ARL15: variants seen among roughly 807,000 people sequenced by gnomAD.
ARL15 encodes ARF like GTPase 15.
ARL15 carries 19 observed loss-of-function variants against 25.2 expected under a neutral mutation model. The observed-to-expected ratio is 0.75, with a 90% confidence interval of 0.53 to 1.10. The LOEUF (loss-of-function observed/expected upper bound fraction) is 1.10, where lower values mean the gene tolerates loss of function less well. Ranked by LOEUF, ARL15 falls within the 50% of genes least tolerant of loss-of-function variation. The pLI is 0.00. For missense variants in ARL15, 220 were observed against 246.0 expected, an observed-to-expected ratio of 0.89 and a Z score of 0.71; for synonymous variants, 94 against 86.8, an observed-to-expected ratio of 1.08 and a Z score of -0.46.
chr5:54,271,932 T>G (rs1014705227), intron 1 of ARL15, among the ~76,000 whole-genome samples: 1 of 150,692 alleles, frequency 6.6e-6, no homozygotes, highest in African/African-American at 2.4e-5. Flanking sequence ...ATTTATTTAT[T>G]TATTTATTTA....
chr5:54,261,749 T>TAC lies in ARL15; in HGVS notation c.48+48681_48+48682dup, dbSNP rs371794928. Among the ~76,000 whole-genome samples, 1,230 of 150,492 alleles carry TAC rather than the reference T, an allele frequency of 8.2e-3. 18 individuals are homozygous for TAC. Among genetic ancestry groups the TAC allele is most frequent in the African/African-American group, 0.025 (1,041 of 41,056 alleles). On this transcript the variant is annotated intron_variant, in intron 1 of 4. Transcript: ENST00000504924. Reference sequence around the variant, plus strand: ...TTATATGGGGTACTGAACCAGATCTTACACACACACACACACACCCCATGA... The same window carrying TAC: ...TTATATGGGGTACTGAACCAGATCTTACACACACACACACACACACCCCATGA...
In ARL15 at chr5:54,037,338, A is replaced by G. The variant is rs572508090; in HGVS notation, c.462+75864T>C. 2.0e-3 allele frequency among the ~76,000 whole-genome samples: 308 copies of G among 152,240 alleles called. 3 individuals carry two copies. The highest frequency in any genetic ancestry group is 7.0e-3 in the African/African-American group (293 of 41,564). On this transcript the variant is annotated intron_variant, in intron 4 of 4. Coordinates refer to ENST00000504924, the MANE Select transcript of ARL15 (RefSeq NM_019087.3). ...CCCTTTATTTTTCTATTTGGAATAC[A>G]TTGAACTTAGAAATATGTCCAAGAT...
At chr5:53,991,216 T>C (rs978916086) in intron 4 of ARL15, among the ~76,000 whole-genome samples, 2 of 152,122 alleles carry the variant, frequency 1.3e-5, no homozygotes, top group African/African-American at 4.8e-5. Context: ...GGGCATGGTG[T>C]CTCTATTTGC....
intron 3 of ARL15, among the ~76,000 whole-genome samples, chr5:54,123,065 A>G (rs1452345390): frequency 6.6e-6 from 1 of 151,822 alleles, no homozygotes. Context: ...TCATTTTTAT[A>G]TAGTCTAAAA....
intron 1 of ARL15, among the ~76,000 whole-genome samples, chr5:54,246,845 CAG>C (rs201051911): frequency 2.6e-4 from 32 of 122,218 alleles, no homozygotes; most frequent in African/African-American, 9.6e-4. Context: ...CACACACACA[CAG>C]AGTACATAAA....
At chr5:54,053,216 C>T (rs1255055045) in intron 4 of ARL15, among the ~76,000 whole-genome samples, 2 of 151,670 alleles carry the variant, frequency 1.3e-5, no homozygotes, top group Non-Finnish European at 2.9e-5. Context: ...GGCAAAACTG[C>T]ATCTCCAAAA....
chr5:54,136,126 A>C lies in ARL15; in HGVS notation c.253+18454T>G, dbSNP rs192504486. Among the ~76,000 whole-genome samples the C allele has an allele frequency of 1.6e-3, 248 of 152,328 alleles. 2 individuals carry two copies. The highest frequency in any genetic ancestry group is 8.1e-3 in the Admixed American group (124 of 15,310). ...ATAAGCCATCAAGAACAATGAATTT[A>C]TAAGCTTTATTCCCACTCTCTTTGT... On this transcript the variant is annotated intron_variant, in intron 3 of 4. Coordinates refer to ENST00000504924, the MANE Select transcript of ARL15 (RefSeq NM_019087.3).
intron 4 of ARL15, among the ~76,000 whole-genome samples, chr5:54,045,610 C>G (rs916453491): frequency 6.8e-6 from 1 of 147,020 alleles, no homozygotes; most frequent in East Asian, 2.0e-4. Context: ...AAAAAAAAAG[C>G]CACCTTAACA....
intron 1 of ARL15, among the ~76,000 whole-genome samples, chr5:54,258,530 T>C (rs892807870): frequency 4.6e-5 from 7 of 152,166 alleles, no homozygotes; most frequent in Admixed American, 1.3e-4. Flanking sequence ...GTCCACCTTC[T>C]CTTGAAAGGA....
intron 4 of ARL15, among the ~76,000 whole-genome samples, chr5:53,955,762 T>C (rs950781633): frequency 3.3e-5 from 5 of 152,172 alleles, no homozygotes; most frequent in African/African-American, 1.2e-4. Context: ...ACAGTCTGGA[T>C]TTCCAGTGTG....
At chr5:54,193,602 C>T (rs1755465362) in intron 1 of ARL15, among the ~76,000 whole-genome samples, 1 of 152,132 alleles carries the variant, frequency 6.6e-6, no homozygotes, top group East Asian at 1.9e-4. Context: ...CAGCATCACC[C>T]TGAATCCATC....
At chr5:54,303,303 T>C (rs148440787) in intron 1 of ARL15, among the ~76,000 whole-genome samples, 2,169 of 152,050 alleles carry the variant, frequency 0.014, 46 homozygotes, top group African/African-American at 0.048. Flanking sequence ...AGGTGGATCA[T>C]TTGAGGTCAG....
chr5:54,145,261 G>A lies in ARL15; in HGVS notation c.253+9319C>T, dbSNP rs189757916. 7.2e-5 allele frequency among the ~76,000 whole-genome samples: 11 copies of A among 152,226 alleles called. No individual in the cohort carries two copies. In the East Asian group the frequency reaches 2.1e-3, roughly 29 times the overall value. ...TACATAAATTCTTCGCATTATTGCTGCTCACAATGATGCCATAAATACCAG... is the reference window on the plus strand; with the variant it reads ...TACATAAATTCTTCGCATTATTGCTACTCACAATGATGCCATAAATACCAG... On this transcript the variant is annotated intron_variant, in intron 3 of 4. Coordinates refer to ENST00000504924, the MANE Select transcript of ARL15 (RefSeq NM_019087.3).
intron 4 of ARL15, among the ~76,000 whole-genome samples, chr5:54,010,638 C>T (rs550311622): frequency 6.6e-6 from 1 of 152,230 alleles, no homozygotes; most frequent in East Asian, 1.9e-4. Context: ...CTAAAGATGA[C>T]AATGGTTTCT....
intron 4 of ARL15, among the ~76,000 whole-genome samples, chr5:54,091,825 C>T (rs1221840177): frequency 1.3e-5 from 2 of 151,806 alleles, no homozygotes; most frequent in Non-Finnish European, 2.9e-5. Context: ...CAGGCATCAG[C>T]TAGGGAATCT....
At chr5:54,164,091 C>T (rs1463355066) in intron 2 of ARL15, among the ~76,000 whole-genome samples, 2 of 151,952 alleles carry the variant, frequency 1.3e-5, no homozygotes, top group African/African-American at 2.4e-5. Context: ...TCATTCAGTG[C>T]AAAATCCTTT....
chr5:54,142,494 G>C (rs1753804401), intron 3 of ARL15, among the ~76,000 whole-genome samples: 1 of 152,146 alleles, frequency 6.6e-6, no homozygotes, highest in African/African-American at 2.4e-5. Context: ...ACTCAGAACA[G>C]AGGACCAAAC....
chr5:54,055,216 T>A (rs1290754766), intron 4 of ARL15, among the ~76,000 whole-genome samples: 2 of 152,194 alleles, frequency 1.3e-5, no homozygotes, highest in African/African-American at 4.8e-5. Flanking sequence ...GTCTATGGAT[T>A]TTCCTTTTCT....
chr5:54,171,816 C>G lies in ARL15; in HGVS notation c.161G>C (p.Ser54Thr). The G allele has an allele frequency of 6.2e-7, 1 of 1,613,358 alleles. No individual in the cohort carries two copies. Among genetic ancestry groups the G allele is most frequent in the Non-Finnish European group, 8.5e-7 (1 of 1,179,610 alleles). Residue 54 changes from serine (S) to threonine (T), a missense_variant, in exon 2 of 5, where the codon AGT (serine) becomes ACT (threonine). Physicochemically the swap from Ser to Thr is moderately conservative, Grantham distance 58. Transcript: ENST00000504924. ...CGACACGACGTTATCGGGGCTTTCA[C>G]TGCAGAGTTTGGACAACAGACTGGT... ...GKTSLLSKLC[S>T]ESPDNVVSTT...
Sources: allele counts gnomAD v4.1 joint callset (sites outside exome capture counted in the v4.1 genomes callset), GRCh38; gene constraint gnomAD v4.1.1; transcripts MANE v1.5; gene names NCBI Gene and HGNC (gene_info 2026-07-23, HGNC 2026-07-21).